NME9: variants seen among roughly 807,000 people sequenced by gnomAD.
NME9 encodes NME/NM23 family member 9.
A neutral mutation model predicts 44.4 loss-of-function variants in NME9; 48 were observed. The ratio of observed to expected loss-of-function variants is 1.08; its 90% CI spans 0.86 to 1.37. The LOEUF (loss-of-function observed/expected upper bound fraction) is 1.37. Ranked by LOEUF, NME9 falls within the 40% of genes most tolerant of loss-of-function variation. The pLI, the probability that NME9 is intolerant of heterozygous loss-of-function variation, is 0.00. For missense variants in NME9, 325 were observed against 405.2 expected, an observed-to-expected ratio of 0.80 and a Z score of 1.70; for synonymous variants, 139 against 147.1, an observed-to-expected ratio of 0.94 and a Z score of 0.40.
exon 9 of NME9, chr3:138,262,408 T>A: frequency 1.9e-6 from 2 of 1,078,272 alleles, no homozygotes; most frequent in South Asian, 3.4e-5. Flanking sequence ...TGGTTCCCTG[T>A]TCTTAATAGA....
At chr3:138,306,630 A>G in intron 6 of NME9, 150 bp from the exon 7 acceptor site, 1 of 599,442 alleles carries the variant, frequency 1.7e-6, no homozygotes, top group Admixed American at 3.2e-5. Context: ...CTGGCCTCTT[A>G]GTTTTGCCCC....
At chr3:138,288,419 A>T (rs1396243068) in intron 8 of NME9, among the ~76,000 whole-genome samples, 3 of 152,234 alleles carry the variant, frequency 2.0e-5, no homozygotes, top group Non-Finnish European at 4.4e-5. Context: ...GGATTGAATC[A>T]TAAATTGCAA....
At chr3:138,291,301 C>T (rs113148955) in intron 8 of NME9, among the ~76,000 whole-genome samples, 8,620 of 152,282 alleles carry the variant, frequency 0.057, 346 homozygotes, top group Non-Finnish European at 0.087. Context: ...CTGCCTTTCT[C>T]ATCTTCTCTG....
intron 2 of NME9, 33 bp downstream of exon 2, chr3:138,324,840 A>G (rs2053681364): frequency 2.0e-6 from 3 of 1,508,106 alleles, no homozygotes; most frequent in African/African-American, 1.4e-5. Flanking sequence ...TTAGAAAAGA[A>G]TGGATCTAAA....
At chr3:138,281,227 T>A (rs1467187597) in intron 8 of NME9, among the ~76,000 whole-genome samples, 1 of 152,062 alleles carries the variant, frequency 6.6e-6, no homozygotes, top group African/African-American at 2.4e-5. Context: ...GGTGTGTGTG[T>A]GTGTGTGTAG....
intron 8 of NME9, among the ~76,000 whole-genome samples, chr3:138,269,048 GAT>G (rs1430140813): frequency 6.6e-6 from 1 of 152,174 alleles, no homozygotes; most frequent in African/African-American, 2.4e-5. Flanking sequence ...GTTCAGAAAA[GAT>G]AGATAATGTG....
At chr3:138,264,567 G>T (rs570486740) in intron 8 of NME9, among the ~76,000 whole-genome samples, 1 of 151,702 alleles carries the variant, frequency 6.6e-6, no homozygotes, top group South Asian at 2.1e-4. Flanking sequence ...CTACAGGTGC[G>T]CACCACCACG....
At position 138,329,347 on chromosome 3, in the gene NME9, G is replaced by C. The variant is rs1445539353; in HGVS notation, c.-12C>G. 3 of 1,536,068 alleles carry C rather than the reference G, an allele frequency of 2.0e-6. No individual in the cohort carries two copies. In the South Asian group the frequency reaches 3.6e-5, roughly 18 times the overall value. On this transcript the variant is annotated 5_prime_UTR_variant, in exon 1 of 11. Transcript: ENST00000333911. ...TTCCTGCTGCCCATGGCTCTGCAAA[G>C]AAGACGAAGCCCTGTTACCGCGGCC... is the stretch of plus-strand genomic sequence containing the variant.
At chr3:138,272,797 G>A (rs1230084753) in intron 8 of NME9, among the ~76,000 whole-genome samples, 3 of 152,140 alleles carry the variant, frequency 2.0e-5, no homozygotes, top group African/African-American at 7.2e-5. Flanking sequence ...GCTTGAACCC[G>A]GGAGGCAGAG....
chr3:138,275,058 C>A (rs547399060), intron 8 of NME9, among the ~76,000 whole-genome samples: 1 of 152,062 alleles, frequency 6.6e-6, no homozygotes, highest in African/African-American at 2.4e-5. Flanking sequence ...TATTAAAGTA[C>A]GAAGCTGTGC....
At chr3:138,293,818 T>C (rs2051214849) in intron 8 of NME9, among the ~76,000 whole-genome samples, 3 of 152,204 alleles carry the variant, frequency 2.0e-5, no homozygotes, top group African/African-American at 7.2e-5. Flanking sequence ...AAGGATGACA[T>C]AGGATGGTAG....
rs2051997452 is a variant in NME9 at position 138,303,578 on chromosome 3, T to A, written c.857A>T (p.Asp286Val). 1 of 1,613,910 alleles carries A rather than the reference T, an allele frequency of 6.2e-7. No homozygotes were observed. The change falls in exon 10 of 11, where the codon GAT (aspartate) becomes GTT (valine). Residue 286 changes from aspartate (D) to valine (V), a missense_variant. Coordinates refer to ENST00000333911, the MANE Select transcript of NME9 (RefSeq NM_001349018.2). ...NAVHGSRDRE[D>V]ADRELALLFP... Reference sequence around the variant, plus strand: ...GAGCAATGCCAGTTCTCTGTCAGCATCTTCTCTGTCCCGGCTTCCATGGAC... The same window carrying A: ...GAGCAATGCCAGTTCTCTGTCAGCAACTTCTCTGTCCCGGCTTCCATGGAC...
At chr3:138,289,214 G>A (rs2050716838) in intron 8 of NME9, 1 of 991,886 alleles carries the variant, frequency 1.0e-6, no homozygotes, top group Non-Finnish European at 1.5e-6. Context: ...CTGGGCAGAG[G>A]CTCTGTTCTT....
At chr3:138,323,400 C>G (rs937700833) in intron 2 of NME9, among the ~76,000 whole-genome samples, 1 of 151,764 alleles carries the variant, frequency 6.6e-6, no homozygotes, top group Non-Finnish European at 1.5e-5. Context: ...TGGGTGACTC[C>G]GTCTCAAAAA....
At chr3:138,281,790 A>G (rs996590026) in intron 8 of NME9, among the ~76,000 whole-genome samples, 1 of 152,164 alleles carries the variant, frequency 6.6e-6, no homozygotes, top group African/African-American at 2.4e-5. Context: ...CTTCCCTGGA[A>G]TTCCCCTTTA....
chr3:138,292,804 GAGAA>G (rs2051093657), intron 8 of NME9, among the ~76,000 whole-genome samples: 1 of 152,160 alleles, frequency 6.6e-6, no homozygotes, highest in African/African-American at 2.4e-5. Context: ...AGTAAAAAGA[GAGAA>G]AGGAGGACTA....
At chr3:138,309,136 CA>C (rs59172479) in intron 6 of NME9, among the ~76,000 whole-genome samples, 2,404 of 147,492 alleles carry the variant, frequency 0.016, 63 homozygotes, top group African/African-American at 0.053. Flanking sequence ...ACTAAAAATA[CA>C]AAAAAAAAAT....
chr3:138,271,299 C>G (rs905383412), intron 8 of NME9, among the ~76,000 whole-genome samples: 1 of 152,194 alleles, frequency 6.6e-6, no homozygotes. Context: ...TCAACCTCTT[C>G]TCTGAGAACA....
chr3:138,308,062 G>A (rs1317577854), intron 6 of NME9, among the ~76,000 whole-genome samples: 3 of 152,092 alleles, frequency 2.0e-5, no homozygotes, highest in East Asian at 1.9e-4. Flanking sequence ...GGGTAAGGGC[G>A]GTATCTTAGA....
Sources: allele counts gnomAD v4.1 joint callset (sites outside exome capture counted in the v4.1 genomes callset), GRCh38; gene constraint gnomAD v4.1.1; transcripts MANE v1.5; gene names NCBI Gene and HGNC (gene_info 2026-07-23, HGNC 2026-07-21).